PLEC: variants seen among roughly 807,000 people sequenced by gnomAD.
The protein encoded by PLEC is plectin, also known as hemidesmosomal protein 1.
Under a neutral mutation model 392.8 loss-of-function variants are expected in PLEC, and 216 were observed. The observed-to-expected ratio is 0.55, with a 90% CI of 0.49 to 0.62. The LOEUF is 0.62. Among genes scored for constraint, PLEC ranks in the 20% least tolerant of loss-of-function variants. PLEC has a pLI of 0.00. For missense variants in PLEC, 6,863 were observed against 6,563.4 expected (o/e 1.05, Z -1.58); for synonymous variants, 3,621 against 2,980.6 (o/e 1.21, Z -7.00).
chr8:143,925,143 G>A lies in PLEC; in HGVS notation c.4786C>T (p.Leu1596=), dbSNP rs782244301. 1.7e-5 allele frequency: 27 copies of A among 1,558,622 alleles called. No individual in the cohort carries two copies. The African/African-American group carries it at 2.4e-4, about 14-fold the overall frequency. Residue 1596 remains leucine, a synonymous_variant, in exon 31 of 32, where the codon CTG becomes TTG. Transcript: ENST00000345136. ...GCCACAGCCACGTGTTCCTCCTGCA[G>A]GGAGCGCTCCAGCTGTGCCGTCTTC... ...AEKTAQLERS[L]QEEHVAVAQL... is the part of the protein sequence containing the mutation.
At chr8:143,926,914 G>A in intron 29 of PLEC, 32 bp from the exon 30 acceptor site, 2 of 1,607,642 alleles carry the variant, frequency 1.2e-6, no homozygotes, top group Non-Finnish European at 8.5e-7. Context: ...AGCCCTGCGA[G>A]AGCTGCAGCT....
chr8:143,935,787 C>T, intron 6 of PLEC, 61 bp downstream of exon 6: 1 of 1,577,712 alleles, frequency 6.3e-7, no homozygotes, highest in Non-Finnish European at 8.7e-7. Flanking sequence ...CTGAAGTTGC[C>T]TAGTGGAGGC....
chr8:143,976,403 C>G (rs1331999114), upstream of PLEC, among the ~76,000 whole-genome samples: 2 of 152,146 alleles, frequency 1.3e-5, no homozygotes, highest in African/African-American at 4.8e-5. Flanking sequence ...GAGGAGGGGG[C>G]CGCCGCGCCC....
In PLEC at chr8:143,969,142, T is replaced by A. The variant is rs1404443321; in HGVS notation, c.70+4261A>T. Among the ~76,000 whole-genome samples the A allele has an allele frequency of 2.7e-4, 41 of 152,032 alleles. No homozygotes were observed. Among genetic ancestry groups the A allele is most frequent in the Non-Finnish European group, 1.2e-4 (8 of 67,996 alleles). ...CAACTGATAAACGCATAAGCAAAAGTGGGCACTTCCACACCACGGAACCGA... is the reference window on the plus strand; with the variant it reads ...CAACTGATAAACGCATAAGCAAAAGAGGGCACTTCCACACCACGGAACCGA... On this transcript the variant is annotated intron_variant, in intron 1 of 31. Transcript: ENST00000356346. The surrounding 1 kb of genome is among the most constrained non-coding windows in gnomAD (Gnocchi z 5.1).
rs782661134 is a variant in PLEC at position 143,916,450 on chromosome 8, C to T, written c.13371G>A (p.Glu4457=). ...KDALDRSMVE[E]GTGLRLLEAA... is the part of the protein sequence containing the mutation. ...CCTCCAGCAGCCGCAGCCCCGTGCC[C>T]TCCTCCACCATGCTGCGGTCCAGCG... The change falls in exon 32 of 32, where the codon GAG becomes GAA. Residue 4457 remains glutamate, a synonymous_variant. Transcript: ENST00000345136. 6.2e-7 allele frequency: 1 copy of T among 1,610,478 alleles called. No homozygotes were observed. The highest frequency in any genetic ancestry group is 8.5e-7 in the Non-Finnish European group (1 of 1,178,960).
rs182772862 is a variant in PLEC at position 143,930,711 on chromosome 8, C to T, written c.2305-175G>A. ...CCCCGGGGGTTGGCCCCAAGCAGAC[C>T]CATGCACCCTCGCTCCTTCCCAACC... On this transcript the variant is annotated intron_variant, in intron 19 of 31. Coordinates refer to ENST00000345136, the MANE Select transcript of PLEC (RefSeq NM_201384.3). Among the ~76,000 whole-genome samples the T allele has an allele frequency of 1.3e-3, 199 of 152,226 alleles. 1 individual carries two copies. Among genetic ancestry groups the T allele is most frequent in the African/African-American group, 4.5e-3 (188 of 41,518 alleles).
In PLEC at chr8:143,924,905, C is replaced by T. The variant is rs370569372; in HGVS notation, c.5024G>A (p.Arg1675Gln). 1,650 of 1,585,642 alleles carry T rather than the reference C, an allele frequency of 1.0e-3. 2 individuals carry two copies. The highest frequency in any genetic ancestry group is 1.3e-3 in the Non-Finnish European group (1,519 of 1,173,750). Residue 1675 changes from arginine (R) to glutamine (Q), a missense_variant, in exon 31 of 32, where the codon CGG (arginine) becomes CAG (glutamine). Coordinates refer to ENST00000345136, the MANE Select transcript of PLEC (RefSeq NM_201384.3). ...GGCCTGCTCCTCCGCCTTGCCGCGC[C>T]GCCGCGCCTCGCGCTCCGCCTCCTC... is the stretch of plus-strand genomic sequence containing the variant. ...QKEEAEREAR[R>Q]RGKAEEQAVR... is the part of the protein sequence containing the mutation.
In PLEC at chr8:143,929,396, G is replaced by C. The variant is rs782138604; in HGVS notation, c.3081+18C>G. ...ATGGGGAGAGGGATGGGACTGGATGGGGGGGGACGGCCCCTGCCTGCTGCT... is the reference window on the plus strand; with the variant it reads ...ATGGGGAGAGGGATGGGACTGGATGCGGGGGGACGGCCCCTGCCTGCTGCT... On this transcript the variant is annotated intron_variant, in intron 24 of 31. Coordinates refer to ENST00000345136, the MANE Select transcript of PLEC (RefSeq NM_201384.3). The C allele has an allele frequency of 2.0e-5, 32 of 1,560,986 alleles. No homozygotes were observed. The highest frequency in any genetic ancestry group is 7.6e-5 in the Admixed American group (4 of 52,688).
intron 3 of PLEC, chr8:143,937,684 A>G: frequency 2.0e-6 from 1 of 489,004 alleles, no homozygotes; most frequent in South Asian, 1.5e-5. Flanking sequence ...CAGCCCCCAG[A>G]AAGCCGGGCT....
chr8:143,974,427 T>C (rs1833585410), upstream of PLEC, among the ~76,000 whole-genome samples: 1 of 152,252 alleles, frequency 6.6e-6, no homozygotes, highest in Admixed American at 6.5e-5. The surrounding 1 kb of genome is among the most constrained non-coding windows in gnomAD (Gnocchi z 5.9). Context: ...CTGAAGGTCA[T>C]GCAGATGGAA....
rs782062761 is a variant in PLEC at position 143,921,280 on chromosome 8, G to A, written c.8541C>T (p.Ser2847=). ...EEMNRVLADP[S]DDTKGFFDPN... ...GGTCAAAGAAGCCCTTGGTGTCGTC[G>A]CTGGGGTCCGCCAGGACGCGGTTCA... Residue 2847 remains serine, a synonymous_variant, in exon 32 of 32, where the codon AGC becomes AGT. Coordinates refer to ENST00000345136, the MANE Select transcript of PLEC (RefSeq NM_201384.3). 3.4e-5 allele frequency: 55 copies of A among 1,613,938 alleles called. No individual in the cohort carries two copies. In the African/African-American group the frequency reaches 4.8e-4, roughly 14 times the overall value.
chr8:143,937,897 G>C (rs370738887), intron 3 of PLEC: 1 of 640,000 alleles, frequency 1.6e-6, no homozygotes, highest in Admixed American at 2.2e-5. Context: ...CCGACGCGGA[G>C]GGCGGCAAGG....
At chr8:143,950,085 T>C (rs1831970441) in intron 1 of PLEC, 28 of 1,407,882 alleles carry the variant, frequency 2.0e-5, no homozygotes, top group Non-Finnish European at 2.6e-5. Flanking sequence ...GCAAGCCGGC[T>C]GACCACTCCA....
rs1339620913 is a variant in PLEC at position 143,924,427 on chromosome 8, C to A, written c.5502G>T (p.Val1834=). ...AARQRAEAER[V]LAEKLAAIGE... is the part of the protein sequence containing the mutation. ...CGATGGCGGCCAGCTTCTCCGCAAGCACCCGCTCCGCCTCGGCCCGCTGCC... is the reference window on the plus strand; with the variant it reads ...CGATGGCGGCCAGCTTCTCCGCAAGAACCCGCTCCGCCTCGGCCCGCTGCC... The change falls in exon 31 of 32, where the codon GTG becomes GTT. Residue 1834 remains valine, a synonymous_variant. Transcript: ENST00000345136. The A allele has an allele frequency of 3.8e-6, 6 of 1,587,648 alleles. No individual in the cohort carries two copies. Among genetic ancestry groups the A allele is most frequent in the Non-Finnish European group, 4.3e-6 (5 of 1,174,698 alleles).
At chr8:143,975,174 T>C, upstream of PLEC, 1 of 1,598,748 alleles carries the variant, frequency 6.3e-7, no homozygotes, top group Non-Finnish European at 8.5e-7. This position sits in a 1 kb window ranked among gnomAD's most constrained non-coding sequence, Gnocchi z 9.9. Flanking sequence ...CCTGCGCAGT[T>C]ACCTGCGATG....
chr8:143,926,524 C>T (rs1366191326), intron 30 of PLEC, among the ~76,000 whole-genome samples: 3 of 152,198 alleles, frequency 2.0e-5, no homozygotes. Flanking sequence ...CGCTAGGCTG[C>T]AGGGGGGACG....
chr8:143,953,846 C>T, upstream of PLEC: 7 of 1,588,088 alleles, frequency 4.4e-6, no homozygotes, highest in Non-Finnish European at 5.1e-6. Flanking sequence ...CCCAGGCCAG[C>T]GCCGCAGCCG....
At position 143,915,637 on chromosome 8, in the gene PLEC, G is replaced by A. The variant is rs958654770; in HGVS notation, c.*540C>T. On this transcript the variant is annotated 3_prime_UTR_variant, in exon 32 of 32. Transcript: ENST00000345136. Reference sequence around the variant, plus strand: ...GGCCAGGGGTCTCAGGAGTGAGTGTGGGGGGTGAGCTGGAAAGCACAGATC... The same window carrying A: ...GGCCAGGGGTCTCAGGAGTGAGTGTAGGGGGTGAGCTGGAAAGCACAGATC... 4 of 152,682 alleles carry A rather than the reference G, an allele frequency of 2.6e-5. No homozygotes were observed. The highest frequency in any genetic ancestry group is 4.1e-4 in the South Asian group (2 of 4,840). 9.5% of individuals were successfully genotyped at this position (152,682 alleles called of 1,614,324 possible). A position where few individuals can be genotyped will look rare whatever the true frequency, so the allele number is the denominator to read the frequency against.
At position 143,920,784 on chromosome 8, in the gene PLEC, C is replaced by T; in HGVS notation, c.9037G>A (p.Val3013Met). 1 of 1,607,214 alleles carries T rather than the reference C, an allele frequency of 6.2e-7. No individual in the cohort carries two copies. Among genetic ancestry groups the T allele is most frequent in the Non-Finnish European group, 8.5e-7 (1 of 1,179,926 alleles). The change falls in exon 32 of 32, where the codon GTG becomes ATG. Residue 3013 changes from valine (V) to methionine (M), a missense_variant. Physicochemically the swap from Val to Met is conservative, Grantham distance 21 (BLOSUM62 1). Coordinates refer to ENST00000345136, the MANE Select transcript of PLEC (RefSeq NM_201384.3). Reference protein sequence around the residue: ...GERSVRDVAEVDTVRRALRGA... With the variant: ...GERSVRDVAEMDTVRRALRGA... ...CGGAGAGCCCGCCGCACAGTGTCCA[C>T]CTCGGCTACGTCTCGCACAGAGCGC...
Sources: allele counts gnomAD v4.1 joint callset (sites outside exome capture counted in the v4.1 genomes callset), GRCh38; gene constraint gnomAD v4.1.1; non-coding constraint Gnocchi (gnomAD v3.1); transcripts MANE v1.5; gene names NCBI Gene and HGNC (gene_info 2026-07-23, HGNC 2026-07-21).